Variants in PRKG1 observed in about 807,000 individuals in gnomAD.
PRKG1 encodes the protein protein kinase cGMP-dependent 1.
PRKG1 carries 35 observed loss-of-function variants against 88.1 expected under a neutral mutation model. That is an observed-to-expected ratio of 0.40 (90% confidence interval 0.30 to 0.53). The LOEUF is 0.53. Among genes scored for constraint, PRKG1 ranks in the 20% least tolerant of loss-of-function variants. The probability of loss-of-function intolerance (pLI) is 0.59; values close to 1 mark genes in which losing one functional copy is unlikely to be tolerated. For synonymous variants in PRKG1, 303 were observed against 292.5 expected (o/e 1.04, Z -0.37); for missense variants, 540 against 839.8 (o/e 0.64, Z 4.41).
chr10:51,250,131 A>T (rs1045590441), intron 2 of PRKG1, among the ~76,000 whole-genome samples: 10 of 151,636 alleles, frequency 6.6e-5, no homozygotes, highest in Admixed American at 6.6e-4. Flanking sequence ...TAACTCCCCA[A>T]CCTACCCTAA....
At chr10:51,779,329 T>C (rs1838523993) in intron 3 of PRKG1, among the ~76,000 whole-genome samples, 1 of 152,094 alleles carries the variant, frequency 6.6e-6, no homozygotes, top group African/African-American at 2.4e-5. Flanking sequence ...AATTTTTCCT[T>C]GTGGGTCCCC....
intron 3 of PRKG1, among the ~76,000 whole-genome samples, chr10:51,502,257 G>C (rs889485507): frequency 1.1e-4 from 16 of 152,040 alleles, no homozygotes; most frequent in African/African-American, 3.9e-4. Context: ...TGCCAGGGAG[G>C]TGTAGAAAAG....
chr10:51,746,715 C>T (rs1264824014), intron 3 of PRKG1, among the ~76,000 whole-genome samples: 2 of 148,392 alleles, frequency 1.3e-5, no homozygotes, highest in African/African-American at 2.5e-5. Context: ...AGAGTAAGAC[C>T]CTGTCTCAAA....
At chr10:52,091,206 T>C (rs777723240) in intron 7 of PRKG1, among the ~76,000 whole-genome samples, 1 of 152,226 alleles carries the variant, frequency 6.6e-6, no homozygotes, top group Non-Finnish European at 1.5e-5. Context: ...AGTTGTGAAA[T>C]TGAGGCCCCC....
At chr10:51,377,096 A>C (rs78306234) in intron 2 of PRKG1, among the ~76,000 whole-genome samples, 3 of 152,242 alleles carry the variant, frequency 2.0e-5, no homozygotes, top group Admixed American at 1.3e-4. Flanking sequence ...AAAAAAAAAA[A>C]CACAGTATTT....
chr10:52,079,096 G>T (rs1846704098), intron 7 of PRKG1, among the ~76,000 whole-genome samples: 1 of 152,206 alleles, frequency 6.6e-6, no homozygotes, highest in Non-Finnish European at 1.5e-5. Flanking sequence ...TGGTCACCCA[G>T]GCTTGAACAT....
In PRKG1 at chr10:51,893,790, T is replaced by C. The variant is rs1413560662; in HGVS notation, c.699-13717T>C. Among the ~76,000 whole-genome samples, 7 of 152,252 alleles carry C rather than the reference T, an allele frequency of 4.6e-5. No individual in the cohort carries two copies. In the South Asian group the frequency reaches 6.2e-4, roughly 14 times the overall value. On this transcript the variant is annotated intron_variant, in intron 4 of 17. Transcript: ENST00000373980. ...TTTTAATTTTCCAACTAAGGAAGCT[T>C]CTCGGCTTTAAGTATCTTGCCTGTA...
At position 51,329,876 on chromosome 10, in the gene PRKG1, C is replaced by T. The variant is rs1373581776; in HGVS notation, c.479-137847C>T. ...CTTCATTTCTCTTGCTGCTTTCAGG[C>T]TCTTCTCTTTGGCTTTGATTTTTGA... is the stretch of plus-strand genomic sequence containing the variant. On this transcript the variant is annotated intron_variant, in intron 2 of 17. Coordinates refer to ENST00000373980, the MANE Select transcript of PRKG1 (RefSeq NM_006258.4). 6.1e-5 allele frequency among the ~76,000 whole-genome samples: 9 copies of T among 148,186 alleles called. No individual in the cohort carries two copies. In the South Asian group the frequency reaches 1.3e-3, roughly 21 times the overall value.
chr10:51,119,297 T>A (rs1303001182), intron 1 of PRKG1, among the ~76,000 whole-genome samples: 1 of 152,070 alleles, frequency 6.6e-6, no homozygotes, highest in Non-Finnish European at 1.5e-5. Context: ...GAGTTATTGA[T>A]CTTTGTGATT....
chr10:51,388,907 T>C (rs977847488), intron 2 of PRKG1, among the ~76,000 whole-genome samples: 2 of 152,206 alleles, frequency 1.3e-5, no homozygotes, highest in African/African-American at 2.4e-5. Context: ...TAAAGACAAA[T>C]TATGAATTCT....
chr10:51,238,301 C>T (rs1446697312), intron 2 of PRKG1, among the ~76,000 whole-genome samples: 3 of 152,158 alleles, frequency 2.0e-5, no homozygotes, highest in African/African-American at 7.2e-5. Context: ...AAAGTATTGG[C>T]CCGGCGAGAT....
At chr10:51,412,970 T>C (rs1475969300) in intron 2 of PRKG1, among the ~76,000 whole-genome samples, 1 of 152,178 alleles carries the variant, frequency 6.6e-6, no homozygotes, top group Non-Finnish European at 1.5e-5. Flanking sequence ...ACTGAGTAAG[T>C]GGCTTACTCC....
intron 3 of PRKG1, among the ~76,000 whole-genome samples, chr10:51,631,934 G>T (rs1217069678): frequency 6.6e-6 from 1 of 152,140 alleles, no homozygotes; most frequent in Non-Finnish European, 1.5e-5. Flanking sequence ...GGATAGAAAA[G>T]CAGGTTACAA....
intron 9 of PRKG1, among the ~76,000 whole-genome samples, chr10:52,240,669 G>A (rs1056313230): frequency 2.0e-5 from 3 of 152,096 alleles, no homozygotes; most frequent in Non-Finnish European, 2.9e-5. Context: ...TTTGATTAAC[G>A]CACCGATCAC....
At chr10:51,254,023 CT>C (rs1839491676) in intron 2 of PRKG1, among the ~76,000 whole-genome samples, 1 of 151,958 alleles carries the variant, frequency 6.6e-6, no homozygotes. Context: ...TCCTCATGAA[CT>C]TTTAATGTTT....
chr10:52,047,516 G>A (rs895791639), intron 5 of PRKG1, among the ~76,000 whole-genome samples: 1 of 152,064 alleles, frequency 6.6e-6, no homozygotes, highest in Non-Finnish European at 1.5e-5. Flanking sequence ...CAAAATCTAA[G>A]GATAGCAATG....
chr10:52,272,468 A>G lies in PRKG1; in HGVS notation c.1390A>G (p.Ile464Val). The G allele has an allele frequency of 1.2e-6, 2 of 1,604,984 alleles. No homozygotes were observed. Among genetic ancestry groups the G allele is most frequent in the Non-Finnish European group, 8.5e-7 (1 of 1,173,494 alleles). The stretch of plus-strand genomic sequence containing the variant: ...TTGTCTAGGTGGAGAGCTCTGGACC[A>G]TTCTCAGGGATAGGTAGGAGATTTA... ...EACLGGELWTILRDRGSFEDS... is the reference protein window; with the variant it reads ...EACLGGELWTVLRDRGSFEDS... Residue 464 changes from isoleucine to valine, a missense_variant, in exon 12 of 18, where the codon ATT becomes GTT. Transcript: ENST00000373980.
At chr10:52,219,716 G>T (rs1191367307) in intron 9 of PRKG1, among the ~76,000 whole-genome samples, 1 of 152,164 alleles carries the variant, frequency 6.6e-6, no homozygotes, top group Non-Finnish European at 1.5e-5. Flanking sequence ...TCACCCAAGT[G>T]AATTTACATA....
intron 3 of PRKG1, among the ~76,000 whole-genome samples, chr10:51,613,427 A>C (rs1006001330): frequency 6.6e-5 from 10 of 151,484 alleles, no homozygotes; most frequent in African/African-American, 2.2e-4. Flanking sequence ...TGATCTAGCT[A>C]GTGGTTTATC....
Sources: allele counts gnomAD v4.1 joint callset (sites outside exome capture counted in the v4.1 genomes callset), GRCh38; gene constraint gnomAD v4.1.1; transcripts MANE v1.5; gene names NCBI Gene and HGNC (gene_info 2026-07-23, HGNC 2026-07-21).